Variants in PLCB4 observed in about 807,000 individuals in gnomAD.
The protein encoded by PLCB4 is phospholipase C beta 4, also known as 1-phosphatidylinositol 4,5-bisphosphate phosphodiesterase beta-4.
In PLCB4, 77 loss-of-function variants were observed where a neutral mutation model predicts 178.8. The observed-to-expected ratio is 0.43, with a 90% CI of 0.36 to 0.52. The LOEUF (loss-of-function observed/expected upper bound fraction) is 0.52. Ranked by LOEUF, PLCB4 falls within the 20% of genes least tolerant of loss-of-function variation. The pLI, the probability that PLCB4 is intolerant of heterozygous loss-of-function variation, is 0.00. For synonymous variants in PLCB4, 496 were observed against 490.8 expected, an observed-to-expected ratio of 1.01 and a Z score of -0.14; for missense variants, 1,024 against 1,453.4, an observed-to-expected ratio of 0.70 and a Z score of 4.80.
intron 13 of PLCB4, among the ~76,000 whole-genome samples, chr20:9,381,951 T>C (rs1383580474): frequency 6.6e-6 from 1 of 152,210 alleles, no homozygotes; most frequent in Non-Finnish European, 1.5e-5. Context: ...CCAATGGCTT[T>C]ACATTTCTTC....
intron 2 of PLCB4, among the ~76,000 whole-genome samples, chr20:9,112,305 C>T (rs945698269): frequency 1.3e-5 from 2 of 149,922 alleles, no homozygotes; most frequent in Admixed American, 1.3e-4. Flanking sequence ...GCCCAGGCCG[C>T]AGTACAGTGG....
intron 3 of PLCB4, among the ~76,000 whole-genome samples, chr20:9,297,588 G>T (rs963172144): frequency 6.6e-6 from 1 of 152,030 alleles, no homozygotes; most frequent in African/African-American, 2.4e-5. Flanking sequence ...GCCAGGGGTG[G>T]ATTTACTAAG....
intron 3 of PLCB4, among the ~76,000 whole-genome samples, chr20:9,293,793 G>C (rs2094605537): frequency 6.6e-6 from 1 of 152,140 alleles, no homozygotes; most frequent in African/African-American, 2.4e-5. Flanking sequence ...GAAGCACAAG[G>C]TGCTTAAATG....
rs530479821 is a variant in PLCB4 at position 9,409,067 on chromosome 20, C to T, written c.1885C>T (p.Arg629Trp). 48 of 1,609,434 alleles carry T rather than the reference C, an allele frequency of 3.0e-5. No individual in the cohort carries two copies. Among genetic ancestry groups the T allele is most frequent in the East Asian group, 6.7e-5 (3 of 44,836 alleles). Residue 629 changes from arginine to tryptophan, a missense_variant, in exon 24 of 40, where the codon CGG becomes TGG. Arg to Trp is a moderately radical substitution (Grantham distance 101, BLOSUM62 -3). Coordinates refer to ENST00000378473, the MANE Select transcript of PLCB4 (RefSeq NM_001377142.1). ...CTTAATAAGTTACAGTTATAACAAA[C>T]GGCAAATGAGTCGCATTTACCCCAA... ...HAIEFVNYNK[R>W]QMSRIYPKGG... is the part of the protein sequence containing the mutation.
intron 4 of PLCB4, among the ~76,000 whole-genome samples, 167 bp downstream of exon 4, chr20:9,308,065 G>A (rs1249129319): frequency 6.6e-6 from 1 of 152,082 alleles, no homozygotes; most frequent in Non-Finnish European, 1.5e-5. Context: ...TAATGATAAT[G>A]ATACTATAAA....
chr20:9,459,993 GCCAGGTGCAGTGGCTCACA>G (rs2043290205), intron 35 of PLCB4, among the ~76,000 whole-genome samples, 183 bp downstream of exon 35: 1 of 152,134 alleles, frequency 6.6e-6, no homozygotes, highest in African/African-American at 2.4e-5. Flanking sequence ...GCACCCAGGG[GCCAGGTGCAGTGGCTCACA>G]CCTGTAATCC....
Position 9,091,856 on chromosome 20 carries a change from A to G in PLCB4, c.-134-4431A>G, listed in dbSNP as rs577368910. 1.8e-4 allele frequency among the ~76,000 whole-genome samples: 28 copies of G among 152,144 alleles called. 1 individual carries two copies. The highest frequency in any genetic ancestry group is 5.1e-4 in the African/African-American group (21 of 41,514). On this transcript the variant is annotated intron_variant, in intron 1 of 39. Coordinates refer to ENST00000378473, the MANE Select transcript of PLCB4 (RefSeq NM_001377142.1). The stretch of plus-strand genomic sequence containing the variant: ...TCTTTTTGAGAACTGCATGCTTTTC[A>G]TAAAGTCTCTTGGAAAAGTAATCTC...
At chr20:9,253,999 C>A (rs1055396733) in intron 3 of PLCB4, among the ~76,000 whole-genome samples, 1 of 152,164 alleles carries the variant, frequency 6.6e-6, no homozygotes, top group African/African-American at 2.4e-5. Context: ...GTCTGCCCAG[C>A]TCTAATAGAT....
chr20:9,169,981 C>A (rs1051399813), intron 2 of PLCB4, among the ~76,000 whole-genome samples: 3 of 152,106 alleles, frequency 2.0e-5, no homozygotes, highest in Non-Finnish European at 2.9e-5. Flanking sequence ...TATTTCTTAT[C>A]AGTTATTCAT....
chr20:9,252,159 C>T (rs187949146), intron 3 of PLCB4, among the ~76,000 whole-genome samples: 183 of 152,178 alleles, frequency 1.2e-3, no homozygotes, highest in African/African-American at 4.2e-3. Context: ...AATGTAAATG[C>T]AAATTAATAA....
chr20:9,090,764 A>C (rs528398848), intron 1 of PLCB4, among the ~76,000 whole-genome samples: 38 of 152,290 alleles, frequency 2.5e-4, no homozygotes, highest in Middle Eastern at 3.4e-3. Flanking sequence ...CTCCATGAGA[A>C]TTTATAAAGT....
At position 9,468,637 on chromosome 20, in the gene PLCB4, A is replaced by G. The variant is rs147334682; in HGVS notation, c.3315A>G (p.Gln1105=). The G allele has an allele frequency of 1.8e-5, 29 of 1,610,072 alleles. No individual in the cohort carries two copies. The highest frequency in any genetic ancestry group is 6.7e-5 in the Admixed American group (4 of 60,018). Residue 1105 remains glutamine (Q), a synonymous_variant, in exon 36 of 40, where the codon CAA becomes CAG. Coordinates refer to ENST00000378473, the MANE Select transcript of PLCB4 (RefSeq NM_001377142.1). ...ISMENSKAIS[Q]DKSIKNKAER... ...TGGAAAATAGCAAAGCCATCAGCCA[A>G]GATAAATCTATCAAGAATAAAGCAG...
At position 9,444,393 on chromosome 20, in the gene PLCB4, G is replaced by A. The variant is rs1043946907; in HGVS notation, c.2880+150G>A. 4.5e-5 allele frequency: 26 copies of A among 584,084 alleles called. No homozygotes were observed. The Admixed American group carries it at 7.3e-4, about 16-fold the overall frequency. The allele number at this position is 584,084 out of a possible 1,614,324, so 36.2% of individuals were successfully genotyped here. The stretch of plus-strand genomic sequence containing the variant: ...GAAATTAAAAAATAGAATCGGTTTG[G>A]GAGTGCTTGTCACTTGTTTGTAGTC... On this transcript the variant is annotated intron_variant, in intron 32 of 39. Coordinates refer to ENST00000378473, the MANE Select transcript of PLCB4 (RefSeq NM_001377142.1).
At chr20:9,309,220 G>A (rs112962941) in intron 4 of PLCB4, among the ~76,000 whole-genome samples, 18 of 152,144 alleles carry the variant, frequency 1.2e-4, no homozygotes, top group African/African-American at 3.9e-4. Context: ...AACATACAGC[G>A]TATGTTCAAC....
At chr20:9,272,473 G>A (rs1270814524) in intron 3 of PLCB4, among the ~76,000 whole-genome samples, 1 of 151,970 alleles carries the variant, frequency 6.6e-6, no homozygotes, top group Non-Finnish European at 1.5e-5. Context: ...ATAGCTGCAG[G>A]TCTCCAACCT....
chr20:9,181,669 C>G (rs2093248673), intron 2 of PLCB4, among the ~76,000 whole-genome samples: 1 of 152,046 alleles, frequency 6.6e-6, no homozygotes, highest in Admixed American at 6.6e-5. Flanking sequence ...TGCTGTAAAT[C>G]CCATCATACA....
intron 18 of PLCB4, 49 bp from the exon 19 acceptor site, chr20:9,395,474 T>C: frequency 4.7e-6 from 6 of 1,271,204 alleles, no homozygotes; most frequent in Non-Finnish European, 6.9e-6. Context: ...CTAGGGTTTG[T>C]ATGTTACCTA....
chr20:9,421,047 T>C (rs1173382243), intron 26 of PLCB4, among the ~76,000 whole-genome samples: 1 of 146,606 alleles, frequency 6.8e-6, no homozygotes, highest in Admixed American at 6.8e-5. Context: ...GATTCATATA[T>C]ATTTTTTCTT....
At chr20:9,082,070 ATTC>A (rs1230025311) in intron 1 of PLCB4, among the ~76,000 whole-genome samples, 1 of 151,564 alleles carries the variant, frequency 6.6e-6, no homozygotes, top group East Asian at 1.9e-4. Flanking sequence ...TAATCAAGTT[ATTC>A]TTATTTTTCT....
Sources: gnomAD v4.1 joint callset for allele counts (sites outside exome capture counted in the v4.1 genomes callset) on GRCh38, gnomAD v4.1.1 for gene constraint, MANE v1.5 for transcripts, NCBI Gene and HGNC (gene_info 2026-07-23, HGNC 2026-07-21) for gene names.